RELN: variants seen among roughly 807,000 people sequenced by gnomAD.
RELN encodes reelin.
In RELN, 108 loss-of-function variants were observed where a neutral mutation model predicts 427.6. That is an observed-to-expected ratio of 0.25 (90% CI 0.22 to 0.30). The LOEUF (loss-of-function observed/expected upper bound fraction) is 0.30, where lower values mean the gene tolerates loss of function less well. RELN is among the 10% of genes least tolerant of loss of function. The probability of loss-of-function intolerance (pLI) is 1.00; values close to 1 mark genes in which losing one functional copy is unlikely to be tolerated. For synonymous variants in RELN, 1,524 were observed against 1,513.4 expected (o/e 1.01, Z -0.16); for missense variants, 3,715 against 4,302.8 (o/e 0.86, Z 3.82).
At chr7:103,498,440 C>T (rs911479985) in intron 53 of RELN, among the ~76,000 whole-genome samples, 188 bp from the exon 54 acceptor site, 12 of 152,100 alleles carry the variant, frequency 7.9e-5, no homozygotes, top group African/African-American at 2.4e-4. Context: ...ATCATTTAAA[C>T]TGCTCAAATA....
intron 8 of RELN, among the ~76,000 whole-genome samples, chr7:103,714,076 T>C (rs1347949142): frequency 1.3e-5 from 2 of 152,202 alleles, no homozygotes; most frequent in African/African-American, 4.8e-5. Context: ...TATAATGCTG[T>C]AATTTCCAGG....
chr7:103,740,591 TATA>T (rs1170708993), intron 6 of RELN, among the ~76,000 whole-genome samples: 4 of 152,238 alleles, frequency 2.6e-5, no homozygotes, highest in African/African-American at 9.6e-5. Context: ...TACCTTTATT[TATA>T]ATATCATTTT....
intron 1 of RELN, among the ~76,000 whole-genome samples, chr7:103,952,522 C>CACAA (rs1563108674): frequency 6.6e-6 from 1 of 150,400 alleles, no homozygotes; most frequent in Non-Finnish European, 1.5e-5. Context: ...ACCTTAAACA[C>CACAA]ACACACACAC....
At chr7:103,668,678 T>G (rs1182210012) in intron 11 of RELN, among the ~76,000 whole-genome samples, 1 of 152,198 alleles carries the variant, frequency 6.6e-6, no homozygotes, top group African/African-American at 2.4e-5. Flanking sequence ...AGCAAGCACA[T>G]GGAATAGTAA....
chr7:103,472,197 A>G lies in RELN; in HGVS notation c.*615T>C, dbSNP rs1367412383. On this transcript the variant is annotated 3_prime_UTR_variant, in exon 65 of 65. Transcript: ENST00000428762. Reference sequence around the variant, plus strand: ...ACAAAACAACGCTAAACCAACATACATTTTTAAGGAGTATATTAAAGGAGA... The same window carrying G: ...ACAAAACAACGCTAAACCAACATACGTTTTTAAGGAGTATATTAAAGGAGA... 2 of 153,190 alleles carry G rather than the reference A, an allele frequency of 1.3e-5. No individual in the cohort carries two copies. The highest frequency in any genetic ancestry group is 4.8e-5 in the African/African-American group (2 of 41,458). 9.5% of individuals were successfully genotyped at this position (153,190 alleles called of 1,614,324 possible). A position where few individuals can be genotyped will look rare whatever the true frequency, so the allele number is the denominator to read the frequency against.
chr7:103,906,899 G>A (rs902948520), intron 2 of RELN, among the ~76,000 whole-genome samples: 3 of 152,074 alleles, frequency 2.0e-5, no homozygotes, highest in African/African-American at 7.2e-5. Flanking sequence ...TTTGAGCCAC[G>A]GATGAATATC....
intron 2 of RELN, among the ~76,000 whole-genome samples, chr7:103,896,420 G>A (rs1794961844): frequency 6.6e-6 from 1 of 152,020 alleles, no homozygotes; most frequent in Non-Finnish European, 1.5e-5. Context: ...GTGTCCAATA[G>A]CAGGAGGATG....
chr7:103,971,009 G>A (rs1304310091), intron 1 of RELN, among the ~76,000 whole-genome samples: 2 of 152,034 alleles, frequency 1.3e-5, no homozygotes, highest in Non-Finnish European at 2.9e-5. Flanking sequence ...TACAAAAGCC[G>A]GGTGTGGTCG....
At chr7:103,786,990 A>C (rs935130888) in intron 3 of RELN, among the ~76,000 whole-genome samples, 1 of 151,566 alleles carries the variant, frequency 6.6e-6, no homozygotes, top group Non-Finnish European at 1.5e-5. Context: ...AAAGGAAATC[A>C]TAACAGTCTC....
intron 17 of RELN, among the ~76,000 whole-genome samples, chr7:103,638,823 T>C (rs544179873): frequency 6.6e-6 from 1 of 152,332 alleles, no homozygotes; most frequent in South Asian, 2.1e-4. Flanking sequence ...TTAGATTTGT[T>C]TGTATCCACC....
In RELN at chr7:103,550,946, G is replaced by A. The variant is rs542974965; in HGVS notation, c.6302+121C>T. ...ATTTTAAATATCCACTGATCTGCTT[G>A]AGAACAGAGGAAGAAACGTCAGGTG... On this transcript the variant is annotated intron_variant, in intron 41 of 64. Coordinates refer to ENST00000428762, the MANE Select transcript of RELN (RefSeq NM_005045.4). 1.0e-5 allele frequency: 8 copies of A among 795,928 alleles called. No individual in the cohort carries two copies. The East Asian group carries it at 2.1e-4, about 21-fold the overall frequency. 49.3% of individuals were successfully genotyped at this position (795,928 alleles called of 1,614,324 possible). A position where few individuals can be genotyped will look rare whatever the true frequency, so the allele number is the denominator to read the frequency against.
Position 103,574,256 on chromosome 7 carries a change from C to T in RELN, c.4347G>A (p.Glu1449=), listed in dbSNP as rs1830947173. ...GCTTCCCCTCAAACCTATCGAACAT[C>T]TCATTGTGATTGGGGACATTTGACA... ...TCVSNVPNHN[E]MFDRFEGKLS... The change falls in exon 30 of 65, where the codon GAG becomes GAA. Residue 1449 remains glutamate, a synonymous_variant. Coordinates refer to ENST00000428762, the MANE Select transcript of RELN (RefSeq NM_005045.4). 1.1e-5 allele frequency: 18 copies of T among 1,614,120 alleles called. No homozygotes were observed. Among genetic ancestry groups the T allele is most frequent in the Non-Finnish European group, 1.4e-5 (17 of 1,180,008 alleles).
chr7:103,559,789 G>C (rs140674305), intron 36 of RELN, among the ~76,000 whole-genome samples: 1 of 152,210 alleles, frequency 6.6e-6, no homozygotes, highest in Admixed American at 6.5e-5. Context: ...TGGAGGTTGA[G>C]AGGAAAGGTC....
intron 11 of RELN, among the ~76,000 whole-genome samples, chr7:103,675,991 G>C (rs1385632805): frequency 6.6e-6 from 1 of 152,134 alleles, no homozygotes; most frequent in Non-Finnish European, 1.5e-5. Flanking sequence ...AGGACTTCAT[G>C]TCTAAAACAC....
intron 28 of RELN, among the ~76,000 whole-genome samples, chr7:103,588,302 T>C (rs904626974): frequency 6.6e-6 from 1 of 152,016 alleles, no homozygotes; most frequent in African/African-American, 2.4e-5. Flanking sequence ...CTCAGTTATA[T>C]GTGGGAGATC....
chr7:103,689,996 G>A (rs1480410454), intron 10 of RELN, among the ~76,000 whole-genome samples: 1 of 152,110 alleles, frequency 6.6e-6, no homozygotes, highest in Non-Finnish European at 1.5e-5. Flanking sequence ...TGAGCATCCA[G>A]GGTTTTTACA....
At position 103,902,398 on chromosome 7, in the gene RELN, ATTTAT is replaced by A. The variant is rs576495126; in HGVS notation, c.337+14672_337+14676del. Among the ~76,000 whole-genome samples, 129 of 152,174 alleles carry A rather than the reference ATTTAT, an allele frequency of 8.5e-4. No homozygotes were observed. The Middle Eastern group carries it at 0.014, about 16-fold the overall frequency. ...CCAGAATATGATCTTTGATAACTAT[ATTTAT>A]TTTACTTTTAATTTGCTATTTACAA... On this transcript the variant is annotated intron_variant, in intron 2 of 64. Coordinates refer to ENST00000428762, the MANE Select transcript of RELN (RefSeq NM_005045.4).
Position 103,503,121 on chromosome 7 carries a change from G to T in RELN, c.8384C>A (p.Pro2795His), listed in dbSNP as rs1829089865. 1 of 1,614,068 alleles carries T rather than the reference G, an allele frequency of 6.2e-7. No homozygotes were observed. Among genetic ancestry groups the T allele is most frequent in the African/African-American group, 1.3e-5 (1 of 74,938 alleles). The change falls in exon 52 of 65, where the codon CCT (proline) becomes CAT (histidine). Residue 2795 changes from proline (P) to histidine (H), a missense_variant. Pro to His is a moderately conservative substitution (Grantham distance 77, BLOSUM62 -2). Coordinates refer to ENST00000428762, the MANE Select transcript of RELN (RefSeq NM_005045.4). ...SWNYLVPQCL[P>H]ADPKCSGSVS... ...ACTTCCAGAGCATTTTGGGTCAGCA[G>T]GCAAGCACTGAGGGACCAGATAATT...
At chr7:103,764,767 C>T (rs1176818857) in intron 4 of RELN, among the ~76,000 whole-genome samples, 6 of 142,750 alleles carry the variant, frequency 4.2e-5, no homozygotes, top group East Asian at 2.1e-4. Context: ...ACCTGGGAGG[C>T]GGAGTTTGCA....
Sources: allele counts gnomAD v4.1 joint callset (sites outside exome capture counted in the v4.1 genomes callset), GRCh38; gene constraint gnomAD v4.1.1; transcripts MANE v1.5; gene names NCBI Gene and HGNC (gene_info 2026-07-23, HGNC 2026-07-21).